Variants in THSD7A observed in about 807,000 individuals in gnomAD.
THSD7A encodes the protein thrombospondin type 1 domain containing 7A, also known as thrombospondin type-1 domain-containing protein 7A.
Under a neutral mutation model 231.3 loss-of-function variants are expected in THSD7A, and 96 were observed. The ratio of observed to expected loss-of-function variants is 0.41; its 90% CI spans 0.35 to 0.49. THSD7A has a LOEUF of 0.49. Ranked by LOEUF, THSD7A falls within the 20% of genes least tolerant of loss-of-function variation. The pLI is 0.05. For synonymous variants in THSD7A, 940 were observed against 743.3 expected (o/e 1.26, Z -4.30); for missense variants, 2,290 against 2,070.2 (o/e 1.11, Z -2.06).
Position 11,832,093 on chromosome 7 carries a change from T to G in THSD7A, c.-147A>C, listed in dbSNP as rs190455685. ...TCAGATGAGAAGGAGGGAGAGCGCG[T>G]CTAACACCAGGGAACAATAGCGTCC... On this transcript the variant is annotated 5_prime_UTR_variant, in exon 1 of 28. Transcript: ENST00000423059. The G allele has an allele frequency of 1.1e-4, 56 of 501,620 alleles. No homozygotes were observed. The East Asian group carries it at 2.2e-3, about 19-fold the overall frequency. The allele number at this position is 501,620 out of a possible 1,614,324, so 31.1% of individuals were successfully genotyped here. A position where few individuals can be genotyped will look rare whatever the true frequency, so the allele number is the denominator to read the frequency against.
intron 4 of THSD7A, among the ~76,000 whole-genome samples, chr7:11,565,134 C>G (rs980638704): frequency 3.3e-5 from 5 of 152,126 alleles, no homozygotes; most frequent in African/African-American, 1.2e-4. Flanking sequence ...CTCAAATTCT[C>G]ACGATGTCCC....
intron 6 of THSD7A, among the ~76,000 whole-genome samples, chr7:11,534,748 GAAGC>G (rs1314005817): frequency 6.6e-6 from 1 of 152,208 alleles, no homozygotes; most frequent in African/African-American, 2.4e-5. Context: ...GGGAATCAAA[GAAGC>G]AAGCAAGAGG....
intron 6 of THSD7A, among the ~76,000 whole-genome samples, chr7:11,514,446 C>A (rs556193579): frequency 6.6e-6 from 1 of 152,070 alleles, no homozygotes; most frequent in Non-Finnish European, 1.5e-5. Context: ...TTTAGACACA[C>A]GTATATATGT....
rs971336482 is a variant in THSD7A, at chr7:11,832,139, T to TGCC, written c.-196_-194dup. 46 of 332,468 alleles carry TGCC rather than the reference T, an allele frequency of 1.4e-4. No homozygotes were observed. The highest frequency in any genetic ancestry group is 5.2e-4 in the South Asian group (4 of 7,682). 20.6% of individuals were successfully genotyped at this position (332,468 alleles called of 1,614,324 possible). Reference sequence around the variant, plus strand: ...CGTCCGCGGTGGTGGCCGTGGCCGCTGCCGCCGCCGCCGCCGCCTCTGGCG... The same window carrying TGCC: ...CGTCCGCGGTGGTGGCCGTGGCCGCTGCCGCCGCCGCCGCCGCCGCCTCTGGCG... On this transcript the variant is annotated 5_prime_UTR_variant, in exon 1 of 28. Coordinates refer to ENST00000423059, the MANE Select transcript of THSD7A (RefSeq NM_015204.3).
At chr7:11,379,874 T>C (rs1782441792) in intron 24 of THSD7A, 162 bp from the exon 25 acceptor site, 2 of 721,842 alleles carry the variant, frequency 2.8e-6, no homozygotes, top group Admixed American at 2.2e-5. Flanking sequence ...TTGACCACCT[T>C]ATGTAGTGAC....
intron 6 of THSD7A, among the ~76,000 whole-genome samples, chr7:11,513,816 C>A (rs1057139489): frequency 6.6e-6 from 1 of 152,026 alleles, no homozygotes; most frequent in Non-Finnish European, 1.5e-5. Flanking sequence ...ATTTAAAAAA[C>A]AATTTGATGT....
intron 16 of THSD7A, among the ~76,000 whole-genome samples, chr7:11,422,573 A>G (rs1392801523): frequency 6.9e-6 from 1 of 144,940 alleles, no homozygotes; most frequent in East Asian, 2.0e-4. Flanking sequence ...GTGTTTGGAA[A>G]TGTTAAGACT....
chr7:11,458,636 A>G (rs977752045), intron 11 of THSD7A, among the ~76,000 whole-genome samples: 3 of 152,104 alleles, frequency 2.0e-5, no homozygotes, highest in African/African-American at 7.2e-5. Flanking sequence ...TAGGAAATCA[A>G]AAATGGAACA....
At chr7:11,713,725 C>T (rs1233311042) in intron 1 of THSD7A, among the ~76,000 whole-genome samples, 1 of 151,156 alleles carries the variant, frequency 6.6e-6, no homozygotes, top group Non-Finnish European at 1.5e-5. Flanking sequence ...CATTGTGTCT[C>T]AGTCTTCTGG....
chr7:11,607,975 G>A (rs1021347302), intron 2 of THSD7A, among the ~76,000 whole-genome samples: 4 of 152,074 alleles, frequency 2.6e-5, no homozygotes, highest in African/African-American at 7.2e-5. Context: ...GGGATAAACT[G>A]CTACGGTAAT....
chr7:11,743,156 A>G (rs1782168228), intron 1 of THSD7A, among the ~76,000 whole-genome samples: 1 of 151,910 alleles, frequency 6.6e-6, no homozygotes, highest in Admixed American at 6.6e-5. Context: ...AACATTTACG[A>G]ACACATACAA....
At chr7:11,681,004 T>C (rs569897954) in intron 1 of THSD7A, among the ~76,000 whole-genome samples, 8 of 152,234 alleles carry the variant, frequency 5.3e-5, no homozygotes, top group Non-Finnish European at 1.0e-4. Flanking sequence ...ATATACACCA[T>C]AGAATAATAT....
chr7:11,749,190 C>T (rs1348891334), intron 1 of THSD7A, among the ~76,000 whole-genome samples: 1 of 151,962 alleles, frequency 6.6e-6, no homozygotes, highest in African/African-American at 2.4e-5. Flanking sequence ...TTTCAGTGCT[C>T]CTTATCACAC....
chr7:11,536,298 T>C (rs1024216922), intron 6 of THSD7A, among the ~76,000 whole-genome samples: 2 of 152,182 alleles, frequency 1.3e-5, no homozygotes, highest in Admixed American at 1.3e-4. Context: ...CCTTACCACA[T>C]AATTGGATTT....
Position 11,815,977 on chromosome 7 carries a change from T to G in THSD7A, c.190+15780A>C, listed in dbSNP as rs545339447. On this transcript the variant is annotated intron_variant, in intron 1 of 27. Transcript: ENST00000423059. Reference sequence around the variant, plus strand: ...TGTTCCTTCTCTGCCTGGAATTCTGTCTCTCTATAGCCTTTCTCCATTGTG... The same window carrying G: ...TGTTCCTTCTCTGCCTGGAATTCTGGCTCTCTATAGCCTTTCTCCATTGTG... 5.3e-5 allele frequency among the ~76,000 whole-genome samples: 8 copies of G among 152,288 alleles called. No homozygotes were observed. The South Asian group carries it at 1.7e-3, about 32-fold the overall frequency.
chr7:11,792,937 T>C (rs1395154907), intron 1 of THSD7A, among the ~76,000 whole-genome samples: 1 of 152,002 alleles, frequency 6.6e-6, no homozygotes, highest in East Asian at 1.9e-4. Flanking sequence ...CTGTGAGTTG[T>C]AGCTTTACAA....
intron 1 of THSD7A, among the ~76,000 whole-genome samples, chr7:11,722,462 C>T (rs1057265020): frequency 6.7e-4 from 102 of 151,840 alleles, no homozygotes; most frequent in African/African-American, 2.4e-3. Flanking sequence ...TGCATTCTGG[C>T]AACCAAGTGA....
intron 1 of THSD7A, among the ~76,000 whole-genome samples, chr7:11,720,121 A>G (rs1333240331): frequency 6.6e-6 from 1 of 151,712 alleles, no homozygotes; most frequent in Non-Finnish European, 1.5e-5. Flanking sequence ...ATATAAATAC[A>G]TTTTGAACGT....
At chr7:11,476,324 C>T (rs1050923765) in intron 7 of THSD7A, among the ~76,000 whole-genome samples, 1 of 130,994 alleles carries the variant, frequency 7.6e-6, no homozygotes, top group African/African-American at 3.8e-5. Flanking sequence ...AAGATACACA[C>T]ACACACACAC....
Sources: allele counts gnomAD v4.1 joint callset (sites outside exome capture counted in the v4.1 genomes callset), GRCh38; gene constraint gnomAD v4.1.1; transcripts MANE v1.5; gene names NCBI Gene and HGNC (gene_info 2026-07-23, HGNC 2026-07-21).